The following CPQ variants were observed in gnomAD, a reference collection of about 807,000 sequenced individuals.
The protein encoded by CPQ is Ser-Met dipeptidase.
CPQ carries 37 observed loss-of-function variants against 45.7 expected under a neutral mutation model. That is an observed-to-expected ratio of 0.81 (90% CI 0.62 to 1.07). CPQ has a LOEUF of 1.07. Among genes scored for constraint, CPQ ranks in the 50% least tolerant of loss-of-function variants. The pLI, the probability that CPQ is intolerant of heterozygous loss-of-function variation, is 0.00. For synonymous variants in CPQ, 186 were observed against 205.8 expected, an observed-to-expected ratio of 0.90 and a Z score of 0.82; for missense variants, 537 against 572.9, an observed-to-expected ratio of 0.94 and a Z score of 0.64.
At chr8:96,906,117 T>C (rs879656331) in intron 4 of CPQ, among the ~76,000 whole-genome samples, 3 of 152,184 alleles carry the variant, frequency 2.0e-5, no homozygotes, top group Non-Finnish European at 4.4e-5. Context: ...GCATCTGGGC[T>C]GTGCATTTTA....
intron 6 of CPQ, among the ~76,000 whole-genome samples, chr8:97,039,025 TA>T (rs1020726043): frequency 9.9e-5 from 15 of 152,160 alleles, no homozygotes; most frequent in African/African-American, 3.4e-4. Context: ...GGTAGGCTAA[TA>T]ATAGGACTGT....
chr8:97,056,419 C>G (rs951060281), intron 6 of CPQ: 3 of 152,086 alleles, frequency 2.0e-5, no homozygotes, highest in African/African-American at 7.2e-5. Context: ...GATGAGAAAA[C>G]CAGCCAAGAA....
chr8:96,899,264 A>G (rs1357667372), intron 4 of CPQ, among the ~76,000 whole-genome samples: 2 of 152,202 alleles, frequency 1.3e-5, no homozygotes, highest in African/African-American at 2.4e-5. Flanking sequence ...AGCCATAGGT[A>G]CAGCCACATA....
intron 3 of CPQ, among the ~76,000 whole-genome samples, chr8:96,838,353 T>C (rs1322170984): frequency 1.3e-5 from 2 of 152,084 alleles, no homozygotes; most frequent in Non-Finnish European, 2.9e-5. Context: ...TGTGGCTCTA[T>C]CATTTTTGAG....
intron 1 of CPQ, among the ~76,000 whole-genome samples, chr8:96,712,614 C>T (rs1413171116): frequency 2.0e-5 from 3 of 152,222 alleles, no homozygotes; most frequent in African/African-American, 7.2e-5. Context: ...CTGAGCTGTA[C>T]TTAGCCTCCT....
intron 5 of CPQ, among the ~76,000 whole-genome samples, chr8:97,013,313 A>ATAC (rs1159705835): frequency 6.6e-6 from 1 of 152,054 alleles, no homozygotes; most frequent in Non-Finnish European, 1.5e-5. Context: ...AATAATAATA[A>ATAC]TATTAATGAT....
chr8:96,767,728 A>G (rs1356322893), intron 1 of CPQ, among the ~76,000 whole-genome samples: 1 of 133,736 alleles, frequency 7.5e-6, no homozygotes, highest in African/African-American at 2.9e-5. Context: ...ACTGCTGCCG[A>G]TGCTTCCCAG....
At chr8:96,747,843 T>A (rs532147959) in intron 1 of CPQ, among the ~76,000 whole-genome samples, 4 of 152,308 alleles carry the variant, frequency 2.6e-5, no homozygotes, top group Non-Finnish European at 5.9e-5. Context: ...GGCACTTGTT[T>A]ATCTGCCTTT....
At chr8:96,656,228 G>A (rs1779730690) in intron 1 of CPQ, among the ~76,000 whole-genome samples, 1 of 152,180 alleles carries the variant, frequency 6.6e-6, no homozygotes, top group South Asian at 2.1e-4. Flanking sequence ...TCTAGGCTGT[G>A]ATTCTAGTTG....
At chr8:96,794,380 C>T (rs1468306529) in intron 2 of CPQ, among the ~76,000 whole-genome samples, 3 of 152,180 alleles carry the variant, frequency 2.0e-5, no homozygotes, top group Non-Finnish European at 4.4e-5. Flanking sequence ...CTTTCAGCCA[C>T]AACTAGAGCG....
chr8:97,020,143 A>AAATC (rs1422355730), intron 5 of CPQ, among the ~76,000 whole-genome samples: 2 of 152,174 alleles, frequency 1.3e-5, no homozygotes, highest in African/African-American at 4.8e-5. Context: ...GTCAAAATTG[A>AAATC]AATCAAGATG....
intron 7 of CPQ, among the ~76,000 whole-genome samples, chr8:97,110,072 C>G (rs770140045): frequency 6.6e-6 from 1 of 152,144 alleles, no homozygotes; most frequent in Non-Finnish European, 1.5e-5. Context: ...GTGACCACCA[C>G]CCAAATAAAG....
chr8:96,679,009 T>C (rs948834526), intron 1 of CPQ, among the ~76,000 whole-genome samples: 3 of 152,124 alleles, frequency 2.0e-5, no homozygotes, highest in East Asian at 1.9e-4. Context: ...GCTTCTCCTA[T>C]GTATTCTTCT....
chr8:96,650,685 A>T (rs1356233039), intron 1 of CPQ, among the ~76,000 whole-genome samples: 5 of 152,194 alleles, frequency 3.3e-5, no homozygotes, highest in African/African-American at 1.2e-4. Flanking sequence ...CATAAATGTA[A>T]AAGTAAAGCA....
chr8:96,947,731 T>C (rs1813209904), intron 4 of CPQ, among the ~76,000 whole-genome samples: 1 of 152,164 alleles, frequency 6.6e-6, no homozygotes, highest in South Asian at 2.1e-4. Flanking sequence ...AATCTCAAGA[T>C]GTAACCTTGA....
intron 4 of CPQ, among the ~76,000 whole-genome samples, chr8:96,936,230 G>T (rs1053787968): frequency 1.3e-5 from 2 of 152,154 alleles, no homozygotes; most frequent in African/African-American, 4.8e-5. Context: ...TAGTTAAAAG[G>T]TAGCATTGTT....
chr8:96,678,344 C>CT (rs1809102853), intron 1 of CPQ, among the ~76,000 whole-genome samples: 1 of 151,948 alleles, frequency 6.6e-6, no homozygotes, highest in African/African-American at 2.4e-5. Context: ...TCTATGATTT[C>CT]TTTCATCAGT....
chr8:97,019,194 C>A (rs1809633199), intron 5 of CPQ, among the ~76,000 whole-genome samples: 1 of 152,176 alleles, frequency 6.6e-6, no homozygotes, highest in African/African-American at 2.4e-5. Context: ...GAATTTGCCA[C>A]TACCAAGCCA....
chr8:97,065,657 T>C (rs747511611), intron 6 of CPQ, among the ~76,000 whole-genome samples: 6 of 152,336 alleles, frequency 3.9e-5, no homozygotes, highest in Non-Finnish European at 7.4e-5. Flanking sequence ...CCCTGCCACA[T>C]AGGAGGAATT....
Sources: allele counts gnomAD v4.1 joint callset (sites outside exome capture counted in the v4.1 genomes callset), GRCh38; gene constraint gnomAD v4.1.1; transcripts MANE v1.5; gene names NCBI Gene and HGNC (gene_info 2026-07-23, HGNC 2026-07-21).